Variants in MICALL1 observed in about 807,000 individuals in gnomAD.
MICALL1 encodes the protein MICAL like 1, also known as MICAL-like protein 1.
MICALL1 carries 61 observed loss-of-function variants against 83.7 expected under a neutral mutation model. The ratio of observed to expected loss-of-function variants is 0.73; its 90% confidence interval spans 0.59 to 0.90. MICALL1 has a LOEUF of 0.90. Ranked by LOEUF, MICALL1 falls within the 40% of genes least tolerant of loss-of-function variation. MICALL1 has a pLI of 0.00. For missense variants in MICALL1, 1,066 were observed against 1,152.0 expected (o/e 0.93, Z 1.08); for synonymous variants, 481 against 473.6 (o/e 1.02, Z -0.20).
rs201460484 is a variant in MICALL1, at chr22:37,924,708, C to T, written c.1073C>T (p.Pro358Leu). ...PVPKPRGTPK[P>L]SEGTPAPRKD... ...CCCAAGCCGAGGGGGACACCGAAGC[C>T]GTCCGAGGGGTATGTCGATCCCTGA... is the stretch of plus-strand genomic sequence containing the variant. The change falls in exon 7 of 16, where the codon CCG becomes CTG. Residue 358 changes from proline to leucine, a missense_variant. Coordinates refer to ENST00000215957, the MANE Select transcript of MICALL1 (RefSeq NM_033386.4). The surrounding 1 kb of genome is among the most constrained non-coding windows in gnomAD (Gnocchi z 5.2). 30 of 1,612,234 alleles carry T rather than the reference C, an allele frequency of 1.9e-5. No individual in the cohort carries two copies. Among genetic ancestry groups the T allele is most frequent in the South Asian group, 1.8e-4 (16 of 90,822 alleles).
At chr22:37,919,276 C>T (rs1324176418) in intron 5 of MICALL1, 98 bp downstream of exon 5, 94 of 1,336,824 alleles carry the variant, frequency 7.0e-5, no homozygotes, top group Non-Finnish European at 8.8e-5. Context: ...AGGCCCTTCA[C>T]ACCAGAGCCC....
Position 37,919,178 on chromosome 22 carries a change from G to A in MICALL1, c.569G>A (p.Arg190Gln), listed in dbSNP as rs1222600461. Reference protein sequence around the residue: ...DGRLYHRHCFRCRRCSSTLLP... With the variant: ...DGRLYHRHCFQCRRCSSTLLP... ...AGGCTGTACCATCGCCACTGCTTCCGGTGAGTGGCCAGGGCCGCGTGTTAC... is the reference window on the plus strand; with the variant it reads ...AGGCTGTACCATCGCCACTGCTTCCAGTGAGTGGCCAGGGCCGCGTGTTAC... The change falls in exon 5 of 16, where the codon CGG becomes CAG. Residue 190 changes from arginine (R) to glutamine (Q), a missense_variant and splice_region_variant. Transcript: ENST00000215957. 4.3e-5 allele frequency: 66 copies of A among 1,530,602 alleles called. No individual in the cohort carries two copies. Among genetic ancestry groups the A allele is most frequent in the Non-Finnish European group, 5.5e-5 (62 of 1,133,102 alleles). The allele number at this position is 1,530,602 out of a possible 1,614,324, so 94.8% of individuals were successfully genotyped here.
At chr22:37,912,041 ATGTGTGTGTG>A in intron 2 of MICALL1, 41 bp downstream of exon 2, 5 of 1,517,592 alleles carry the variant, frequency 3.3e-6, no homozygotes, top group Non-Finnish European at 4.5e-6. Context: ...GGCTCTGTGT[ATGTGTGTGTG>A]TGTGTGTGTG....
At chr22:37,922,723 C>T (rs1186313638) in intron 6 of MICALL1, among the ~76,000 whole-genome samples, 1 of 144,212 alleles carries the variant, frequency 6.9e-6, no homozygotes, top group African/African-American at 2.5e-5. Flanking sequence ...GATTCTCCTG[C>T]CTCAGCCTCC....
At chr22:37,937,538 C>T (rs1227426618) in intron 14 of MICALL1, among the ~76,000 whole-genome samples, 1 of 151,542 alleles carries the variant, frequency 6.6e-6, no homozygotes, top group African/African-American at 2.4e-5. Context: ...ATTCTCCTAC[C>T]TCTGCCTCCC....
chr22:37,922,069 CCGGGGACACGGT>C lies in MICALL1; in HGVS notation c.675_686del (p.Ser227_Arg230del). The C allele has an allele frequency of 6.2e-7, 1 of 1,613,442 alleles. No individual in the cohort carries two copies. On this transcript the variant is annotated inframe_deletion, in exon 6 of 16. Coordinates refer to ENST00000215957, the MANE Select transcript of MICALL1 (RefSeq NM_033386.4). ...TGCAGAACACTGTGCCAGGCTGGGC[CCGGGGACACGGT>C]CGGGGACCAGGCCTGGGCCCTTCTC... is the stretch of plus-strand genomic sequence containing the variant.
rs776177423 is a variant in MICALL1, at chr22:37,912,363, G to T, written c.208G>T (p.Ala70Ser). Residue 70 changes from alanine to serine, a missense_variant, in exon 3 of 16, where the codon GCT becomes TCT. Transcript: ENST00000215957. ...GTCACCACCCCAGGCCTTTGAAGTGGCTGAGAAGGAGCTGGGGATCCCCGC... is the reference window on the plus strand; with the variant it reads ...GTCACCACCCCAGGCCTTTGAAGTGTCTGAGAAGGAGCTGGGGATCCCCGC... ...FENNRLAFEVAEKELGIPALL... is the reference protein window; with the variant it reads ...FENNRLAFEVSEKELGIPALL... The T allele has an allele frequency of 1.9e-6, 3 of 1,612,220 alleles. No individual in the cohort carries two copies. The African/African-American group carries it at 4.0e-5, about 21-fold the overall frequency.
At position 37,921,909 on chromosome 22, in the gene MICALL1, G is replaced by C. The variant is rs542800145; in HGVS notation, c.570-63G>C. The stretch of plus-strand genomic sequence containing the variant: ...GGAGACAGCCCTGGGTGCGGCTGGA[G>C]GGGTAGCCAGTGCCTGGGCCCAGCT... On this transcript the variant is annotated intron_variant, in intron 5 of 15. Transcript: ENST00000215957. 49 of 1,472,386 alleles carry C rather than the reference G, an allele frequency of 3.3e-5. No homozygotes were observed. In the South Asian group the frequency reaches 6.7e-4, roughly 20 times the overall value. The allele number at this position is 1,472,386 out of a possible 1,614,324, so 91.2% of individuals were successfully genotyped here. A position where few individuals can be genotyped will look rare whatever the true frequency, so the allele number is the denominator to read the frequency against.
At chr22:37,912,708 C>G (rs887386760) in intron 3 of MICALL1, among the ~76,000 whole-genome samples, 2 of 151,808 alleles carry the variant, frequency 1.3e-5, no homozygotes, top group Non-Finnish European at 2.9e-5. Context: ...GCCCTGTCAC[C>G]CAGGCTGGAT....
At position 37,919,207 on chromosome 22, in the gene MICALL1, C is replaced by T. The variant is rs779135210; in HGVS notation, c.569+29C>T. The T allele has an allele frequency of 1.2e-5, 18 of 1,490,374 alleles. No homozygotes were observed. The African/African-American group carries it at 1.5e-4, about 13-fold the overall frequency. 92.3% of individuals were successfully genotyped at this position (1,490,374 alleles called of 1,614,324 possible). On this transcript the variant is annotated intron_variant, in intron 5 of 15. Transcript: ENST00000215957. ...AGTGGCCAGGGCCGCGTGTTACCCC[C>T]GAAACCAGGGAGGGGGCTACCGTGG...
rs752920299 is a variant in MICALL1, at chr22:37,926,084, G to A, written c.1465+41G>A. ...GGAGCTCTCCTGACAGTCGGAACTC[G>A]GGGGTGGGGCCCGGGCCTGGGGAGG... On this transcript the variant is annotated intron_variant, in intron 8 of 15. Coordinates refer to ENST00000215957, the MANE Select transcript of MICALL1 (RefSeq NM_033386.4). 12 of 1,540,986 alleles carry A rather than the reference G, an allele frequency of 7.8e-6. No individual in the cohort carries two copies. The Admixed American group carries it at 7.8e-5, about 10-fold the overall frequency.
chr22:37,906,584 C>T lies in MICALL1; in HGVS notation c.146+16C>T. ...CCGACCTGCTGTGAGTGCGGGGCCCCGGGCGAGCGGGCGGCGCGGGGCGGG... is the reference window on the plus strand; with the variant it reads ...CCGACCTGCTGTGAGTGCGGGGCCCTGGGCGAGCGGGCGGCGCGGGGCGGG... On this transcript the variant is annotated intron_variant, in intron 1 of 15. Transcript: ENST00000215957. The surrounding 1 kb of genome is among the most constrained non-coding windows in gnomAD (Gnocchi z 4.4). 1 of 1,132,860 alleles carries T rather than the reference C, an allele frequency of 8.8e-7. No homozygotes were observed. The highest frequency in any genetic ancestry group is 1.1e-6 in the Non-Finnish European group (1 of 921,122). The allele number at this position is 1,132,860 out of a possible 1,614,324, so 70.2% of individuals were successfully genotyped here.
rs1388300992 is a variant in MICALL1 at position 37,906,949 on chromosome 22, C to A, written c.146+381C>A. 6.5e-6 allele frequency: 1 copy of A among 153,076 alleles called. No homozygotes were observed. The highest frequency in any genetic ancestry group is 2.4e-5 in the African/African-American group (1 of 41,492). 9.5% of individuals were successfully genotyped at this position (153,076 alleles called of 1,614,324 possible). Reference sequence around the variant, plus strand: ...GGCCTCTCCTACCCTAAACTCTTCTCCACGGGCTCGCCGGGCCTCCCCTCT... The same window carrying A: ...GGCCTCTCCTACCCTAAACTCTTCTACACGGGCTCGCCGGGCCTCCCCTCT... On this transcript the variant is annotated intron_variant, in intron 1 of 15. Coordinates refer to ENST00000215957, the MANE Select transcript of MICALL1 (RefSeq NM_033386.4). The surrounding 1 kb of genome is among the most constrained non-coding windows in gnomAD (Gnocchi z 4.4).
Position 37,932,656 on chromosome 22 carries a change from A to AGAAGCTGCGTGGCGGC in MICALL1, c.2121_2136dup (p.Leu713GlufsTer8). On this transcript the variant is annotated frameshift_variant, in exon 11 of 16. Transcript: ENST00000215957. LOFTEE classifies it high-confidence loss of function. The surrounding 1 kb of genome is among the most constrained non-coding windows in gnomAD (Gnocchi z 4.4). ...GAGCACCGTGGGGTGCTGCTGGAGG[A>AGAAGCTGCGTGGCGGC]GAAGCTGCGTGGCGGCCTGAATGGT... 6.2e-7 allele frequency: 1 copy of AGAAGCTGCGTGGCGGC among 1,613,978 alleles called. No homozygotes were observed. Among genetic ancestry groups the AGAAGCTGCGTGGCGGC allele is most frequent in the Non-Finnish European group, 8.5e-7 (1 of 1,179,974 alleles).
At position 37,912,429 on chromosome 22, in the gene MICALL1, G is replaced by C; in HGVS notation, c.274G>C (p.Asp92His). ...TGACATGGTCTCCATGAGCGTCCCT[G>C]ACTGCCTCAGCATCATGACCTATGT... ...PNDMVSMSVP[D>H]CLSIMTYVSQ... The change falls in exon 3 of 16, where the codon GAC (aspartate) becomes CAC (histidine). Residue 92 changes from aspartate (D) to histidine (H), a missense_variant. Physicochemically the swap from Asp to His is moderately conservative, Grantham distance 81 (BLOSUM62 -1). Transcript: ENST00000215957. The C allele has an allele frequency of 1.2e-6, 2 of 1,613,978 alleles. No homozygotes were observed.
chr22:37,939,649 G>A (rs969654338), intron 15 of MICALL1, among the ~76,000 whole-genome samples: 8 of 151,902 alleles, frequency 5.3e-5, no homozygotes, highest in African/African-American at 1.9e-4. Context: ...CAGCGCTTGC[G>A]TGTAATCCCA....
intron 5 of MICALL1, among the ~76,000 whole-genome samples, chr22:37,921,638 C>T (rs890276187): frequency 4.6e-5 from 7 of 152,162 alleles, no homozygotes; most frequent in Admixed American, 4.6e-4. Flanking sequence ...GTAAAAACCA[C>T]TGCTTTATTT....
chr22:37,940,566 G>T, intron 15 of MICALL1, 143 bp from the exon 16 acceptor site: 1 of 943,662 alleles, frequency 1.1e-6, no homozygotes, highest in South Asian at 1.7e-5. Context: ...TGAGTGTCTT[G>T]TCCCTCCCAG....
intron 9 of MICALL1, among the ~76,000 whole-genome samples, 198 bp downstream of exon 9, chr22:37,928,024 GAGCCCCCA>G (rs1299983194): frequency 6.7e-6 from 1 of 149,140 alleles, no homozygotes; most frequent in Non-Finnish European, 1.5e-5. Flanking sequence ...TCTCCTGCCT[GAGCCCCCA>G]AGTAGCTGGT....
Sources: gnomAD v4.1 joint callset for allele counts (sites outside exome capture counted in the v4.1 genomes callset) on GRCh38, gnomAD v4.1.1 for gene constraint, Gnocchi (gnomAD v3.1) non-coding constraint, MANE v1.5 for transcripts, NCBI Gene and HGNC (gene_info 2026-07-23, HGNC 2026-07-21) for gene names.